ABCC1: variants seen among roughly 807,000 people sequenced by gnomAD.
The protein encoded by ABCC1 is multidrug resistance-associated protein 1.
In ABCC1, 83 loss-of-function variants were observed where a neutral mutation model predicts 172.9. The observed-to-expected ratio is 0.48, with a 90% confidence interval of 0.40 to 0.58. ABCC1 has a LOEUF of 0.58. Among genes scored for constraint, ABCC1 ranks in the 20% least tolerant of loss-of-function variants. The probability of loss-of-function intolerance (pLI) is 0.00; values close to 1 mark genes in which losing one functional copy is unlikely to be tolerated. For missense variants in ABCC1, 1,817 were observed against 2,002.7 expected (o/e 0.91, Z 1.77); for synonymous variants, 937 against 825.2 (o/e 1.14, Z -2.32).
chr16:16,087,140 A>T, intron 18 of ABCC1, 149 bp downstream of exon 18: 1 of 977,932 alleles, frequency 1.0e-6, no homozygotes, highest in Non-Finnish European at 1.5e-6. Flanking sequence ...CTTGTCTTGG[A>T]AGCCTTCCTA....
At chr16:16,092,381 C>A (rs555046713) in intron 19 of ABCC1, among the ~76,000 whole-genome samples, 1 of 152,320 alleles carries the variant, frequency 6.6e-6, no homozygotes, top group South Asian at 2.1e-4. Context: ...AGCCATGACT[C>A]CCTATTTTCC....
chr16:16,113,506 T>G (rs182231161), intron 22 of ABCC1, among the ~76,000 whole-genome samples: 24 of 152,138 alleles, frequency 1.6e-4, no homozygotes, highest in African/African-American at 5.5e-4. Flanking sequence ...AATACAAAAA[T>G]TCGCTGGGCG....
At chr16:16,071,863 G>A (rs913782312) in intron 14 of ABCC1, 134 bp downstream of exon 14, 10 of 767,394 alleles carry the variant, frequency 1.3e-5, no homozygotes, top group African/African-American at 1.0e-4. Context: ...GCGAGACCCC[G>A]GGGGACAAGG....
At chr16:15,996,964 G>A (rs1034781112) in intron 1 of ABCC1, among the ~76,000 whole-genome samples, 1 of 152,154 alleles carries the variant, frequency 6.6e-6, no homozygotes, top group Non-Finnish European at 1.5e-5. Context: ...GGACTTGGAC[G>A]GGGTCCCCAA....
intron 20 of ABCC1, among the ~76,000 whole-genome samples, chr16:16,104,542 A>G (rs1292667918): frequency 6.6e-6 from 1 of 152,222 alleles, no homozygotes; most frequent in Non-Finnish European, 1.5e-5. Flanking sequence ...TGTATTTACA[A>G]TCCCTTAGCT....
chr16:16,016,808 C>T (rs1045302342), intron 5 of ABCC1, among the ~76,000 whole-genome samples, 187 bp downstream of exon 5: 2 of 152,190 alleles, frequency 1.3e-5, no homozygotes, highest in Admixed American at 1.3e-4. Context: ...GCTGGGGGAG[C>T]TGAAGGAGAG....
chr16:15,963,177 T>C (rs778829539), intron 1 of ABCC1, among the ~76,000 whole-genome samples: 4 of 152,226 alleles, frequency 2.6e-5, no homozygotes, highest in East Asian at 3.8e-4. Flanking sequence ...TCCATAGTTA[T>C]CTCCTTTGAC....
chr16:16,106,290 CTA>C (rs1474370898), intron 20 of ABCC1, among the ~76,000 whole-genome samples: 2 of 151,630 alleles, frequency 1.3e-5, no homozygotes, highest in African/African-American at 4.8e-5. Context: ...GTACTTTGCC[CTA>C]TGTTTTTCAT....
At chr16:16,044,192 TG>T (rs1888341692) in intron 7 of ABCC1, among the ~76,000 whole-genome samples, 1 of 152,140 alleles carries the variant, frequency 6.6e-6, no homozygotes, top group South Asian at 2.1e-4. Flanking sequence ...AGGAGGAAAC[TG>T]AGGCCCAGAG....
chr16:16,000,421 A>G (rs1047974338), intron 1 of ABCC1, among the ~76,000 whole-genome samples: 1 of 152,060 alleles, frequency 6.6e-6, no homozygotes, highest in Non-Finnish European at 1.5e-5. Flanking sequence ...CCGGGATTAC[A>G]GGCATGAGCC....
intron 18 of ABCC1, among the ~76,000 whole-genome samples, chr16:16,088,717 T>C (rs1462148750): frequency 6.7e-6 from 1 of 148,192 alleles, no homozygotes; most frequent in Admixed American, 6.6e-5. Flanking sequence ...TTTTTTTCTT[T>C]TTTTTTCTGC....
At chr16:16,085,477 G>C (rs1331399457) in intron 17 of ABCC1, among the ~76,000 whole-genome samples, 1 of 152,204 alleles carries the variant, frequency 6.6e-6, no homozygotes, top group African/African-American at 2.4e-5. Context: ...GCAGCTCCTT[G>C]GAAATAAAAA....
intron 14 of ABCC1, among the ~76,000 whole-genome samples, chr16:16,074,977 C>T (rs2050499748): frequency 1.4e-5 from 2 of 142,588 alleles, no homozygotes. Flanking sequence ...GACAGAGTTT[C>T]ACTCTGTTGC....
chr16:16,014,673 G>T, intron 4 of ABCC1, 45 bp downstream of exon 4: 1 of 1,606,920 alleles, frequency 6.2e-7, no homozygotes, highest in Non-Finnish European at 8.5e-7. Flanking sequence ...TGGACCCGGA[G>T]GGAGAGATGC....
chr16:16,104,483 C>G (rs1466553168), intron 20 of ABCC1, among the ~76,000 whole-genome samples: 2 of 152,182 alleles, frequency 1.3e-5, no homozygotes, highest in Non-Finnish European at 2.9e-5. Flanking sequence ...ACACAGGGTG[C>G]TGATTGGTGT....
At chr16:15,989,736 C>T (rs75371586) in intron 1 of ABCC1, among the ~76,000 whole-genome samples, 1 of 152,110 alleles carries the variant, frequency 6.6e-6, no homozygotes, top group Admixed American at 6.6e-5. Context: ...CTGTTTGTCT[C>T]TGTGTTCCTC....
intron 29 of ABCC1, among the ~76,000 whole-genome samples, chr16:16,136,982 A>G (rs1006383083): frequency 2.0e-5 from 3 of 152,090 alleles, no homozygotes; most frequent in Non-Finnish European, 2.9e-5. Flanking sequence ...GTCCCCATGC[A>G]CTACCCCAGC....
intron 1 of ABCC1, among the ~76,000 whole-genome samples, chr16:15,993,736 T>C (rs1226148195): frequency 3.4e-5 from 4 of 116,188 alleles, no homozygotes; most frequent in Non-Finnish European, 6.5e-5. Context: ...ACCACTACCC[T>C]GCACTGCTCA....
intron 15 of ABCC1, among the ~76,000 whole-genome samples, chr16:16,077,814 G>A (rs1022447850): frequency 1.3e-5 from 2 of 152,184 alleles, no homozygotes; most frequent in East Asian, 1.9e-4. Context: ...CCTGAAGTCC[G>A]AAGTCTGAGA....
Sources: allele counts gnomAD v4.1 joint callset (sites outside exome capture counted in the v4.1 genomes callset), GRCh38; gene constraint gnomAD v4.1.1; transcripts MANE v1.5; gene names NCBI Gene and HGNC (gene_info 2026-07-23, HGNC 2026-07-21).